The following KIF1A variants were observed in gnomAD, a reference collection of about 807,000 sequenced individuals.
KIF1A encodes kinesin family member 1A.
KIF1A carries 46 observed loss-of-function variants against 227.3 expected under a neutral mutation model. The ratio of observed to expected loss-of-function variants is 0.20; its 90% CI spans 0.16 to 0.26. The LOEUF (loss-of-function observed/expected upper bound fraction) is 0.26. Ranked by LOEUF, KIF1A falls within the 10% of genes least tolerant of loss-of-function variation. The pLI is 1.00. For missense variants in KIF1A, 1,683 were observed against 2,485.9 expected, an observed-to-expected ratio of 0.68 and a Z score of 6.87; for synonymous variants, 1,022 against 1,012.8, an observed-to-expected ratio of 1.01 and a Z score of -0.17.
At position 240,737,181 on chromosome 2, in the gene KIF1A, C is replaced by G; in HGVS notation, c.3902-13G>C. Reference sequence around the variant, plus strand: ...TTTCGGATGCGGCCTGCAGAAAAGGCAACGGGCCACAGGTCACTTCCCAGG... The same window carrying G: ...TTTCGGATGCGGCCTGCAGAAAAGGGAACGGGCCACAGGTCACTTCCCAGG... On this transcript the variant is annotated splice_polypyrimidine_tract_variant and intron_variant, in intron 37 of 48. Coordinates refer to ENST00000498729, the MANE Select transcript of KIF1A (RefSeq NM_001244008.2). 6.2e-7 allele frequency: 1 copy of G among 1,609,870 alleles called. No individual in the cohort carries two copies. Among genetic ancestry groups the G allele is most frequent in the Non-Finnish European group, 8.5e-7 (1 of 1,176,330 alleles).
chr2:240,819,720 C>T (rs909992180), intron 1 of KIF1A, among the ~76,000 whole-genome samples: 1 of 152,134 alleles, frequency 6.6e-6, no homozygotes. Context: ...CAGCCCCTCC[C>T]GCAGCCCCGC....
intron 27 of KIF1A, among the ~76,000 whole-genome samples, chr2:240,754,218 T>A (rs370999739): frequency 4.6e-5 from 7 of 152,120 alleles, no homozygotes; most frequent in African/African-American, 1.7e-4. Flanking sequence ...GGTTATACAA[T>A]GAAAAGGACC....
intron 1 of KIF1A, among the ~76,000 whole-genome samples, chr2:240,815,841 C>T (rs10210003): frequency 0.013 from 2,016 of 152,268 alleles, 30 homozygotes; most frequent in African/African-American, 0.045. Flanking sequence ...AAAATGGGAA[C>T]ACCACCACCT....
At position 240,726,471 on chromosome 2, in the gene KIF1A, C is replaced by T. The variant is rs2046014796; in HGVS notation, c.4122+355G>A. Among the ~76,000 whole-genome samples the T allele has an allele frequency of 1.3e-5, 2 of 152,074 alleles. No individual in the cohort carries two copies. The highest frequency in any genetic ancestry group is 2.9e-5 in the Non-Finnish European group (2 of 68,028). ...ACTAAAAGTTCAAAAATTAGCCGGGCGTGGTGGCAGGCACCTGTAATCCCA... is the reference window on the plus strand; with the variant it reads ...ACTAAAAGTTCAAAAATTAGCCGGGTGTGGTGGCAGGCACCTGTAATCCCA... On this transcript the variant is annotated intron_variant, in intron 39 of 48. Coordinates refer to ENST00000498729, the MANE Select transcript of KIF1A (RefSeq NM_001244008.2). The surrounding 1 kb of genome is among the most constrained non-coding windows in gnomAD (Gnocchi z 5.2).
intron 40 of KIF1A, chr2:240,724,299 C>A: frequency 1.9e-6 from 1 of 526,424 alleles, no homozygotes; most frequent in Admixed American, 3.2e-5. Context: ...CAGCAGCCTC[C>A]ACTTTGTCCC....
rs55815321 is a variant in KIF1A at position 240,766,749 on chromosome 2, TCACACACACACACACA to T, written c.1684+150_1684+165del. Reference sequence around the variant, plus strand: ...CTCTCTCTCTCTCTCTCTCTCTCTCTCACACACACACACACACACACACACACACACACACACGTCC... The same window carrying T: ...CTCTCTCTCTCTCTCTCTCTCTCTCTCACACACACACACACACACACGTCC... On this transcript the variant is annotated intron_variant, in intron 19 of 48. Coordinates refer to ENST00000498729, the MANE Select transcript of KIF1A (RefSeq NM_001244008.2). The surrounding 1 kb of genome is among the most constrained non-coding windows in gnomAD (Gnocchi z 5.0). Among the ~76,000 whole-genome samples the T allele has an allele frequency of 9.2e-6, 1 of 108,974 alleles. No individual in the cohort carries two copies. The highest frequency in any genetic ancestry group is 3.2e-4 in the South Asian group (1 of 3,124). 71.5% of individuals were successfully genotyped at this position (108,974 alleles called of 152,430 possible).
intron 38 of KIF1A, among the ~76,000 whole-genome samples, chr2:240,730,000 C>T (rs369083312): frequency 1.1e-4 from 17 of 152,346 alleles, no homozygotes; most frequent in East Asian, 9.6e-4. Flanking sequence ...CTAAATGCCT[C>T]GCAACCAGCC....
chr2:240,772,664 G>C (rs2052167181), intron 13 of KIF1A, 68 bp from the exon 14 acceptor site: 1 of 1,320,392 alleles, frequency 7.6e-7, no homozygotes, highest in African/African-American at 1.5e-5. Flanking sequence ...TGTCTCCAGA[G>C]GGTCAGGCAC....
At chr2:240,764,298 T>G (rs1292969676) in intron 20 of KIF1A, among the ~76,000 whole-genome samples, 1 of 152,100 alleles carries the variant, frequency 6.6e-6, no homozygotes, top group African/African-American at 2.4e-5. Flanking sequence ...CTAAGGCCTC[T>G]CTTAGCCTAG....
chr2:240,785,975 C>T (rs1180044696), intron 6 of KIF1A, among the ~76,000 whole-genome samples: 1 of 152,158 alleles, frequency 6.6e-6, no homozygotes, highest in East Asian at 1.9e-4. Flanking sequence ...CCACATGCCC[C>T]CTGACCCCAG....
At chr2:240,727,651 A>G (rs965786634) in intron 38 of KIF1A, among the ~76,000 whole-genome samples, 15 of 152,094 alleles carry the variant, frequency 9.9e-5, no homozygotes, top group African/African-American at 3.6e-4. Context: ...CTGTGTTCCT[A>G]ATCTCCACCC....
At chr2:240,785,478 G>GTGT (rs2054620065) in intron 6 of KIF1A, among the ~76,000 whole-genome samples, 2 of 152,314 alleles carry the variant, frequency 1.3e-5, no homozygotes, top group African/African-American at 4.8e-5. Context: ...GCCCACACCC[G>GTGT]CGGCTCTGGG....
chr2:240,765,684 C>A (rs751964075), intron 20 of KIF1A, 26 bp downstream of exon 20: 8 of 1,587,100 alleles, frequency 5.0e-6, no homozygotes, highest in Admixed American at 1.7e-5. Context: ...GCCTACCTGA[C>A]TGGCCCCCGG....
chr2:240,720,752 T>C (rs2125583776), intron 45 of KIF1A, 162 bp downstream of exon 45: 1 of 773,992 alleles, frequency 1.3e-6, no homozygotes, highest in Non-Finnish European at 2.0e-6. Flanking sequence ...CTGAGAGGGC[T>C]GCGGACTCCA....
intron 10 of KIF1A, among the ~76,000 whole-genome samples, chr2:240,777,699 A>AC (rs994625968): frequency 1.3e-5 from 2 of 151,736 alleles, no homozygotes; most frequent in African/African-American, 2.4e-5. Context: ...CCCGCTGAAC[A>AC]CCCGCCCGCT....
rs1274852810 is a variant in KIF1A, at chr2:240,757,345, C to G, written c.2832G>C (p.Arg944=). Residue 944 remains arginine (R), a synonymous_variant, in exon 27 of 49, where the codon CGG becomes CGC. Transcript: ENST00000498729. This position sits in a 1 kb window ranked among gnomAD's most constrained non-coding sequence, Gnocchi z 6.2. ...LCDGRDPFYD[R]PPLFSLVGRA... The stretch of plus-strand genomic sequence containing the variant: ...TTCCTACTAAACTGAACAGGGGGGG[C>G]CGGTCGTAAAACGGGTCCCGGCCGT... 2 of 1,550,690 alleles carry G rather than the reference C, an allele frequency of 1.3e-6. No individual in the cohort carries two copies. Among genetic ancestry groups the G allele is most frequent in the Non-Finnish European group, 1.7e-6 (2 of 1,147,062 alleles).
At chr2:240,798,699 G>C (rs190188869) in intron 1 of KIF1A, among the ~76,000 whole-genome samples, 7 of 152,326 alleles carry the variant, frequency 4.6e-5, no homozygotes, top group Admixed American at 3.3e-4. Flanking sequence ...AGGTCTTTCC[G>C]GGCTGACCAG....
chr2:240,784,499 C>G (rs2054462306), intron 7 of KIF1A, among the ~76,000 whole-genome samples: 1 of 152,174 alleles, frequency 6.6e-6, no homozygotes, highest in Non-Finnish European at 1.5e-5. Context: ...TCATGGAGTC[C>G]CGGTCAGGAG....
intron 14 of KIF1A, 22 bp from the exon 15 acceptor site, chr2:240,771,126 C>T: frequency 6.2e-7 from 1 of 1,613,168 alleles, no homozygotes. Flanking sequence ...GGGTCAGGGG[C>T]TTCATTCACC....
Sources: allele counts gnomAD v4.1 joint callset (sites outside exome capture counted in the v4.1 genomes callset), GRCh38; gene constraint gnomAD v4.1.1; non-coding constraint Gnocchi (gnomAD v3.1); transcripts MANE v1.5; gene names NCBI Gene and HGNC (gene_info 2026-07-23, HGNC 2026-07-21).